The following PTPRD variants were observed in gnomAD, a reference collection of about 807,000 sequenced individuals.
The protein encoded by PTPRD is protein tyrosine phosphatase receptor type D, also known as receptor-type tyrosine-protein phosphatase delta.
A neutral mutation model predicts 214.5 loss-of-function variants in PTPRD; 34 were observed. The observed-to-expected ratio is 0.16, with a 90% CI of 0.12 to 0.21. The LOEUF is 0.21. Ranked by LOEUF, PTPRD falls within the 10% of genes least tolerant of loss-of-function variation. The pLI, the probability that PTPRD is intolerant of heterozygous loss-of-function variation, is 1.00. For missense variants in PTPRD, 2,545 were observed against 2,398.7 expected (o/e 1.06, Z -1.27); for synonymous variants, 1,128 against 845.7 (o/e 1.33, Z -5.79).
chr9:10,036,783 C>T (rs2097190827), intron 3 of PTPRD, among the ~76,000 whole-genome samples: 1 of 152,038 alleles, frequency 6.6e-6, no homozygotes, highest in Non-Finnish European at 1.5e-5. Context: ...AGGGTTTCAT[C>T]ATGTTGGCCA....
chr9:9,277,205 T>G (rs1274321470), intron 9 of PTPRD, among the ~76,000 whole-genome samples: 3 of 151,450 alleles, frequency 2.0e-5, no homozygotes, highest in African/African-American at 7.3e-5. Context: ...TAAATTTAAT[T>G]GAACAAATAT....
chr9:10,189,174 A>G (rs866831481), intron 3 of PTPRD, among the ~76,000 whole-genome samples: 10 of 152,126 alleles, frequency 6.6e-5, no homozygotes, highest in African/African-American at 2.4e-4. Flanking sequence ...CCTGGAGTTT[A>G]GTGCTTCTTT....
At chr9:10,368,493 G>C (rs2097554226) in intron 2 of PTPRD, among the ~76,000 whole-genome samples, 1 of 151,946 alleles carries the variant, frequency 6.6e-6, no homozygotes, top group Admixed American at 6.6e-5. Context: ...CAATGCAATG[G>C]GTTTTGTTTA....
intron 2 of PTPRD, among the ~76,000 whole-genome samples, chr9:10,373,367 A>T (rs1486154685): frequency 1.3e-5 from 2 of 152,034 alleles, no homozygotes; most frequent in African/African-American, 4.8e-5. Flanking sequence ...TGTTCTCTAT[A>T]CTTGGACAGT....
At chr9:9,013,170 C>A (rs979805684) in intron 11 of PTPRD, among the ~76,000 whole-genome samples, 1 of 151,498 alleles carries the variant, frequency 6.6e-6, no homozygotes, top group African/African-American at 2.4e-5. Flanking sequence ...TTTTCAATAT[C>A]TGAGGCATTG....
intron 2 of PTPRD, among the ~76,000 whole-genome samples, chr9:10,558,494 C>G (rs992688871): frequency 6.6e-6 from 1 of 152,098 alleles, no homozygotes; most frequent in African/African-American, 2.4e-5. Flanking sequence ...TCTGACCCCT[C>G]TCCAACCTCT....
chr9:9,340,342 G>A (rs2046290235), intron 9 of PTPRD, among the ~76,000 whole-genome samples: 1 of 152,130 alleles, frequency 6.6e-6, no homozygotes, highest in South Asian at 2.1e-4. Flanking sequence ...TCTTTTCTCA[G>A]AACACTGAAG....
intron 8 of PTPRD, among the ~76,000 whole-genome samples, chr9:9,560,194 T>C (rs1309777667): frequency 6.6e-6 from 1 of 152,106 alleles, no homozygotes; most frequent in Admixed American, 6.5e-5. Context: ...CTTACTTACT[T>C]AACTCCCACA....
At chr9:9,857,917 TA>T (rs1177476717) in intron 5 of PTPRD, among the ~76,000 whole-genome samples, 6 of 115,550 alleles carry the variant, frequency 5.2e-5, no homozygotes, top group African/African-American at 1.3e-4. Flanking sequence ...ACTTTTTTCA[TA>T]AAGTAAATGA....
At chr9:9,099,835 T>G (rs530467995) in intron 10 of PTPRD, among the ~76,000 whole-genome samples, 2 of 152,258 alleles carry the variant, frequency 1.3e-5, no homozygotes, top group African/African-American at 4.8e-5. Context: ...GAGATCAAAC[T>G]CATTGCTTTT....
At chr9:9,007,514 T>C (rs902006602) in intron 11 of PTPRD, among the ~76,000 whole-genome samples, 9 of 151,984 alleles carry the variant, frequency 5.9e-5, no homozygotes, top group Non-Finnish European at 2.9e-5. Context: ...TTTTCTAAAA[T>C]ACTCCAATAA....
chr9:8,989,709 A>G (rs1437469755), intron 11 of PTPRD, among the ~76,000 whole-genome samples: 4 of 152,170 alleles, frequency 2.6e-5, no homozygotes, highest in Non-Finnish European at 5.9e-5. Context: ...TTTAAGATAT[A>G]GAAAGTTCAC....
chr9:9,479,213 A>AC (rs2095275088), intron 8 of PTPRD, among the ~76,000 whole-genome samples: 1 of 36,320 alleles, frequency 2.8e-5, no homozygotes, highest in Non-Finnish European at 4.8e-5. Context: ...ATACACACAC[A>AC]CGCCCCCCCC....
chr9:10,555,083 G>A (rs1453385469), intron 2 of PTPRD, among the ~76,000 whole-genome samples: 1 of 152,188 alleles, frequency 6.6e-6, no homozygotes, highest in African/African-American at 2.4e-5. Context: ...GACTGGTCCA[G>A]CTAGAGTCTT....
chr9:10,240,439 C>T (rs1195228277), intron 3 of PTPRD, among the ~76,000 whole-genome samples: 3 of 151,824 alleles, frequency 2.0e-5, no homozygotes, highest in East Asian at 3.9e-4. Context: ...GCCTTAAGTA[C>T]AGGAAAAGAG....
chr9:10,152,607 C>T (rs1189665949), intron 3 of PTPRD, among the ~76,000 whole-genome samples: 1 of 152,252 alleles, frequency 6.6e-6, no homozygotes, highest in East Asian at 1.9e-4. Context: ...GGGCGGATCA[C>T]CTGAGGTCAG....
chr9:10,071,983 C>T (rs2098029080), intron 3 of PTPRD, among the ~76,000 whole-genome samples: 1 of 151,542 alleles, frequency 6.6e-6, no homozygotes, highest in Non-Finnish European at 1.5e-5. Context: ...TGCTACTTAG[C>T]ACACATAGTA....
chr9:9,420,158 C>T (rs1427651318), intron 8 of PTPRD, among the ~76,000 whole-genome samples: 2 of 151,610 alleles, frequency 1.3e-5, no homozygotes, highest in Admixed American at 6.6e-5. Flanking sequence ...AAATTATCAA[C>T]AGATTAATCA....
At chr9:10,487,966 G>GTCTCTC (rs56372955) in intron 2 of PTPRD, among the ~76,000 whole-genome samples, 4,152 of 110,240 alleles carry the variant, frequency 0.038, 211 homozygotes, top group African/African-American at 0.054. Context: ...AATGAACACA[G>GTCTCTC]TCTCTCTCTC....
Sources: gnomAD v4.1 joint callset for allele counts (sites outside exome capture counted in the v4.1 genomes callset) on GRCh38, gnomAD v4.1.1 for gene constraint, MANE v1.5 for transcripts, NCBI Gene and HGNC (gene_info 2026-07-23, HGNC 2026-07-21) for gene names.